Variants in COMMD7 observed in about 807,000 individuals in gnomAD.
The protein encoded by COMMD7 is COMM domain containing 7.
In COMMD7, 28 loss-of-function variants were observed where a neutral mutation model predicts 34.8. The ratio of observed to expected loss-of-function variants is 0.80; its 90% CI spans 0.60 to 1.10. The LOEUF is 1.10. Among genes scored for constraint, COMMD7 ranks in the 50% least tolerant of loss-of-function variants. The pLI, the probability that COMMD7 is intolerant of heterozygous loss-of-function variation, is 0.00. For synonymous variants in COMMD7, 80 were observed against 86.4 expected, an observed-to-expected ratio of 0.93 and a Z score of 0.41; for missense variants, 211 against 241.6, an observed-to-expected ratio of 0.87 and a Z score of 0.84.
intron 3 of COMMD7, among the ~76,000 whole-genome samples, chr20:32,717,382 G>A (rs6058824): frequency 0.1 from 15,616 of 150,300 alleles, 974 homozygotes; most frequent in Admixed American, 0.19. Flanking sequence ...CTGGAGTGCA[G>A]TGGTGTAATC....
intron 7 of COMMD7, 39 bp downstream of exon 7, chr20:32,704,401 A>C: frequency 6.3e-7 from 1 of 1,577,138 alleles, no homozygotes; most frequent in Non-Finnish European, 8.6e-7. Context: ...TAACCAAGTC[A>C]AAAATCTACC....
intron 1 of COMMD7, among the ~76,000 whole-genome samples, chr20:32,732,788 T>C (rs1433814387): frequency 3.3e-5 from 5 of 151,588 alleles, no homozygotes; most frequent in Non-Finnish European, 5.9e-5. Flanking sequence ...ACAAAAAAAT[T>C]AGCCGGTCTT....
chr20:32,732,537 C>G (rs756616852), intron 1 of COMMD7, among the ~76,000 whole-genome samples: 2 of 151,866 alleles, frequency 1.3e-5, no homozygotes, highest in Non-Finnish European at 2.9e-5. Flanking sequence ...GAGGCTGAGG[C>G]AGGAGGACCG....
At chr20:32,739,576 T>C (rs80303092) in intron 1 of COMMD7, among the ~76,000 whole-genome samples, 7,020 of 93,816 alleles carry the variant, frequency 0.075, 259 homozygotes, top group East Asian at 0.19. Flanking sequence ...ACCCGGGAGG[T>C]GGAGCTTGCA....
intron 1 of COMMD7, among the ~76,000 whole-genome samples, chr20:32,736,938 T>C (rs923063507): frequency 2.0e-5 from 3 of 152,028 alleles, no homozygotes; most frequent in African/African-American, 7.2e-5. Context: ...CCCAGCACTT[T>C]AGGAGGCTGA....
rs78231562 is a variant in COMMD7, at chr20:32,725,384, A to C, written c.241+2509T>G. Among the ~76,000 whole-genome samples the C allele has an allele frequency of 4.7e-3, 715 of 152,074 alleles. 9 individuals are homozygous for C. The highest frequency in any genetic ancestry group is 0.017 in the African/African-American group (686 of 41,490). ...TAGGGACAAAAGTAGGAGGAGAGTA[A>C]AAGAGGATTTTTACTTTTGACTCTC... is the stretch of plus-strand genomic sequence containing the variant. On this transcript the variant is annotated intron_variant, in intron 3 of 8. Transcript: ENST00000278980.
At chr20:32,727,534 CAAAA>C (rs11480967) in intron 3 of COMMD7, among the ~76,000 whole-genome samples, 2 of 83,974 alleles carry the variant, frequency 2.4e-5, no homozygotes, top group Admixed American at 1.5e-4. Flanking sequence ...GATTCTGTCT[CAAAA>C]AAAAAAAAAA....
At chr20:32,725,464 C>T (rs1205678725) in intron 3 of COMMD7, among the ~76,000 whole-genome samples, 1 of 136,414 alleles carries the variant, frequency 7.3e-6, no homozygotes, top group Admixed American at 7.7e-5. Context: ...AGTGTTGCTC[C>T]GTCGCCCAGG....
At chr20:32,733,654 T>C (rs1166936777) in intron 1 of COMMD7, among the ~76,000 whole-genome samples, 2 of 148,044 alleles carry the variant, frequency 1.4e-5, no homozygotes, top group African/African-American at 5.0e-5. Context: ...GAGGTGGAGG[T>C]TGCAGTGAGC....
chr20:32,731,342 A>G (rs6057631), intron 1 of COMMD7, among the ~76,000 whole-genome samples: 103,726 of 151,918 alleles, frequency 0.68, 36,214 homozygotes, highest in Middle Eastern at 0.82. Flanking sequence ...AAAAATAAAA[A>G]TAAATTAGTC....
intron 3 of COMMD7, among the ~76,000 whole-genome samples, chr20:32,725,521 C>T (rs893671619): frequency 4.0e-5 from 6 of 151,248 alleles, no homozygotes; most frequent in Admixed American, 1.3e-4. Context: ...CTCCGCCTCC[C>T]GGGATCACGC....
At chr20:32,712,010 G>A (rs1286733532) in intron 3 of COMMD7, among the ~76,000 whole-genome samples, 2 of 75,404 alleles carry the variant, frequency 2.7e-5, no homozygotes, top group Non-Finnish European at 7.2e-5. Context: ...GATGGCTCAT[G>A]CCTGTAATCC....
chr20:32,730,297 G>A lies in COMMD7; in HGVS notation c.85-2155C>T, dbSNP rs112846088. On this transcript the variant is annotated intron_variant, in intron 1 of 8. Coordinates refer to ENST00000278980, the MANE Select transcript of COMMD7 (RefSeq NM_053041.3). ...GGGCTGGACGCGGTGGCTCACGCAT[G>A]TAATCCCAGCACTTTCAGAGGCTGA... Among the ~76,000 whole-genome samples the A allele has an allele frequency of 4.4e-3, 671 of 152,202 alleles. 3 individuals are homozygous for A. Among genetic ancestry groups the A allele is most frequent in the African/African-American group, 0.015 (636 of 41,526 alleles).
intron 1 of COMMD7, among the ~76,000 whole-genome samples, chr20:32,730,741 C>T (rs1200228021): frequency 6.6e-6 from 1 of 152,092 alleles, no homozygotes; most frequent in Non-Finnish European, 1.5e-5. Flanking sequence ...GGTAAGAATA[C>T]ACAGCTTCCA....
chr20:32,728,548 T>G (rs1370529976), intron 1 of COMMD7, among the ~76,000 whole-genome samples: 1 of 152,002 alleles, frequency 6.6e-6, no homozygotes, highest in Non-Finnish European at 1.5e-5. Flanking sequence ...CTGTTTTACC[T>G]ATCCATATTT....
chr20:32,725,631 T>C (rs1414533352), intron 3 of COMMD7, among the ~76,000 whole-genome samples: 14 of 152,034 alleles, frequency 9.2e-5, no homozygotes, highest in African/African-American at 3.1e-4. Context: ...GGTTTCACCG[T>C]GTTAGCCAGG....
chr20:32,735,315 A>G (rs1986078551), intron 1 of COMMD7, among the ~76,000 whole-genome samples: 1 of 151,792 alleles, frequency 6.6e-6, no homozygotes, highest in Non-Finnish European at 1.5e-5. Flanking sequence ...TAACTAAGAA[A>G]CTATTTTTTG....
chr20:32,715,340 G>C (rs1275848043), intron 3 of COMMD7, among the ~76,000 whole-genome samples: 1 of 138,808 alleles, frequency 7.2e-6, no homozygotes, highest in Non-Finnish European at 1.6e-5. Context: ...AAAATTAGCC[G>C]GGAGTGGTGG....
intron 1 of COMMD7, among the ~76,000 whole-genome samples, chr20:32,734,758 T>C (rs1271868908): frequency 6.6e-6 from 1 of 151,678 alleles, no homozygotes; most frequent in Non-Finnish European, 1.5e-5. Flanking sequence ...TGAAACCCCA[T>C]GTCTACTAAA....
Sources: gnomAD v4.1 joint callset for allele counts (sites outside exome capture counted in the v4.1 genomes callset) on GRCh38, gnomAD v4.1.1 for gene constraint, MANE v1.5 for transcripts, NCBI Gene and HGNC (gene_info 2026-07-23, HGNC 2026-07-21) for gene names.